Variants in EPHA6 observed in about 807,000 individuals in gnomAD.
EPHA6 encodes the protein EPH receptor A6.
EPHA6 carries 50 observed loss-of-function variants against 112.0 expected under a neutral mutation model. The ratio of observed to expected loss-of-function variants is 0.45; its 90% CI spans 0.36 to 0.56. EPHA6 has a LOEUF of 0.56. EPHA6 is among the 20% of genes least tolerant of loss of function. The pLI is 0.00. For missense variants in EPHA6, 1,280 were observed against 1,417.4 expected (o/e 0.90, Z 1.56); for synonymous variants, 529 against 490.7 (o/e 1.08, Z -1.03).
chr3:96,920,709 A>G (rs1011036240), intron 2 of EPHA6, among the ~76,000 whole-genome samples: 1 of 151,990 alleles, frequency 6.6e-6, no homozygotes, highest in Non-Finnish European at 1.5e-5. Context: ...TAGGATGTAT[A>G]TATGTCAATC....
intron 11 of EPHA6, among the ~76,000 whole-genome samples, chr3:97,544,137 G>C (rs142514836): frequency 6.6e-6 from 1 of 152,208 alleles, no homozygotes; most frequent in South Asian, 2.1e-4. Flanking sequence ...TATTGAATAG[G>C]AGTGGTGAGA....
chr3:97,065,811 A>G (rs945970811), intron 3 of EPHA6, among the ~76,000 whole-genome samples: 1 of 152,022 alleles, frequency 6.6e-6, no homozygotes, highest in Non-Finnish European at 1.5e-5. Context: ...AGATCATATG[A>G]TACTATTTAT....
At chr3:97,069,977 G>T (rs1335192721) in intron 3 of EPHA6, among the ~76,000 whole-genome samples, 1 of 152,078 alleles carries the variant, frequency 6.6e-6, no homozygotes, top group East Asian at 1.9e-4. Context: ...TTCAAGCTGT[G>T]TGGTCTTGCT....
intron 2 of EPHA6, among the ~76,000 whole-genome samples, chr3:96,891,511 G>C (rs1256742120): frequency 6.6e-6 from 1 of 152,032 alleles, no homozygotes; most frequent in Non-Finnish European, 1.5e-5. Flanking sequence ...AGGAGTTCGA[G>C]ACCAGCCTTC....
intron 6 of EPHA6, among the ~76,000 whole-genome samples, chr3:97,406,007 T>C (rs2087318926): frequency 3.3e-5 from 5 of 152,134 alleles, no homozygotes; most frequent in Non-Finnish European, 1.5e-5. Context: ...AAGTGTCTTA[T>C]TGTCTTAATA....
chr3:96,935,994 G>A (rs1015173351), intron 2 of EPHA6, among the ~76,000 whole-genome samples: 6 of 151,854 alleles, frequency 4.0e-5, no homozygotes, highest in African/African-American at 1.2e-4. Flanking sequence ...ATTTGATATA[G>A]CTTTCCTATG....
intron 2 of EPHA6, among the ~76,000 whole-genome samples, chr3:96,870,113 A>T (rs1359646776): frequency 6.6e-6 from 1 of 152,090 alleles, no homozygotes; most frequent in East Asian, 1.9e-4. Context: ...TAGGAAATAT[A>T]TCTGTATCTG....
chr3:97,553,813 C>T (rs1367910707), intron 11 of EPHA6, among the ~76,000 whole-genome samples: 3 of 152,090 alleles, frequency 2.0e-5, no homozygotes, highest in Non-Finnish European at 2.9e-5. Flanking sequence ...ACAAGACTAG[C>T]TTGGAATCAT....
At chr3:96,995,886 C>T (rs573037804) in intron 3 of EPHA6, among the ~76,000 whole-genome samples, 1 of 152,182 alleles carries the variant, frequency 6.6e-6, no homozygotes, top group East Asian at 1.9e-4. Context: ...GTTTTGGTAC[C>T]TGTGTCAATT....
At chr3:97,177,015 C>T (rs551468899) in intron 3 of EPHA6, among the ~76,000 whole-genome samples, 2 of 151,808 alleles carry the variant, frequency 1.3e-5, no homozygotes, top group East Asian at 3.9e-4. Flanking sequence ...GATGTAGGCA[C>T]TTGTAGCTAT....
intron 3 of EPHA6, among the ~76,000 whole-genome samples, chr3:96,995,468 A>G (rs2043386122): frequency 6.6e-6 from 1 of 152,152 alleles, no homozygotes; most frequent in Non-Finnish European, 1.5e-5. Flanking sequence ...CCAGACTTTC[A>G]TCTATCTTGA....
chr3:97,341,285 A>G (rs2108859044), intron 5 of EPHA6, among the ~76,000 whole-genome samples: 1 of 152,298 alleles, frequency 6.6e-6, no homozygotes, highest in East Asian at 1.9e-4. Flanking sequence ...GGGCTAAAAA[A>G]AAGCAAATTA....
chr3:97,666,350 T>G (rs1210895961), intron 14 of EPHA6, among the ~76,000 whole-genome samples: 1 of 152,224 alleles, frequency 6.6e-6, no homozygotes, highest in African/African-American at 2.4e-5. Flanking sequence ...CAGCACAAAC[T>G]GAGTGGCTTA....
At chr3:97,092,469 G>C (rs889957175) in intron 3 of EPHA6, among the ~76,000 whole-genome samples, 3 of 151,936 alleles carry the variant, frequency 2.0e-5, no homozygotes, top group Admixed American at 2.0e-4. Flanking sequence ...GCGAAAATAA[G>C]GTATTTGAGT....
intron 11 of EPHA6, among the ~76,000 whole-genome samples, chr3:97,591,317 G>A (rs2107341936): frequency 6.6e-6 from 1 of 152,204 alleles, no homozygotes; most frequent in Middle Eastern, 3.4e-3. Flanking sequence ...TATATATAGT[G>A]TGCCCAGTTC....
chr3:97,420,700 A>G (rs1214829417), intron 6 of EPHA6, among the ~76,000 whole-genome samples: 1 of 152,096 alleles, frequency 6.6e-6, no homozygotes, highest in Non-Finnish European at 1.5e-5. Flanking sequence ...AGTGTGTTCC[A>G]TAAGGCCAGA....
intron 3 of EPHA6, among the ~76,000 whole-genome samples, chr3:96,990,685 A>G (rs2043182308): frequency 6.6e-6 from 1 of 152,166 alleles, no homozygotes; most frequent in Admixed American, 6.5e-5. Context: ...AGATATATAT[A>G]GTGCACTACC....
intron 2 of EPHA6, among the ~76,000 whole-genome samples, chr3:96,955,290 T>G (rs1403961299): frequency 6.6e-6 from 1 of 152,218 alleles, no homozygotes; most frequent in Non-Finnish European, 1.5e-5. Flanking sequence ...ATGGTGTTTT[T>G]TGTCTATGGA....
At chr3:97,575,333 A>G (rs1166949798) in intron 11 of EPHA6, among the ~76,000 whole-genome samples, 1 of 152,204 alleles carries the variant, frequency 6.6e-6, no homozygotes, top group Non-Finnish European at 1.5e-5. Context: ...GTACTGGTGA[A>G]CATTATGATG....
Sources: gnomAD v4.1 joint callset for allele counts (sites outside exome capture counted in the v4.1 genomes callset) on GRCh38, gnomAD v4.1.1 for gene constraint, MANE v1.5 for transcripts, NCBI Gene and HGNC (gene_info 2026-07-23, HGNC 2026-07-21) for gene names.